Variants in PHLPP2 observed in about 807,000 individuals in gnomAD.
PHLPP2 encodes the protein PH domain and leucine rich repeat protein phosphatase 2.
Under a neutral mutation model 124.9 loss-of-function variants are expected in PHLPP2, and 66 were observed. That is an observed-to-expected ratio of 0.53 (90% CI 0.43 to 0.65). The LOEUF is 0.65. Ranked by LOEUF, PHLPP2 falls within the 30% of genes least tolerant of loss-of-function variation. The pLI, the probability that PHLPP2 is intolerant of heterozygous loss-of-function variation, is 0.00. For synonymous variants in PHLPP2, 681 were observed against 624.7 expected, an observed-to-expected ratio of 1.09 and a Z score of -1.34; for missense variants, 1,685 against 1,600.4, an observed-to-expected ratio of 1.05 and a Z score of -0.90.
rs2044685577 is a variant in PHLPP2 at position 71,650,037 on chromosome 16, T to C, written c.2825A>G (p.Lys942Arg). Residue 942 changes from lysine to arginine, a missense_variant, in exon 19 of 19, where the codon AAA (lysine) becomes AGA (arginine). Transcript: ENST00000568954. The stretch of plus-strand genomic sequence containing the variant: ...GGTACAGCAGGTTACCCCATTCACT[T>C]TGTTGTCCTACAGAAGAGCAGGACA... ...DQKAIITEDNKVNGVTCCTRM... is the reference protein window; with the variant it reads ...DQKAIITEDNRVNGVTCCTRM... 1.2e-6 allele frequency: 2 copies of C among 1,604,296 alleles called. No individual in the cohort carries two copies. Among genetic ancestry groups the C allele is most frequent in the African/African-American group, 1.3e-5 (1 of 74,900 alleles).
Position 71,714,740 on chromosome 16 carries a change from C to T in PHLPP2, c.56G>A (p.Arg19Gln), listed in dbSNP as rs757049172. ...ATCTTCTCTTAGCCAGTCTCTTTCTCGAGAACCAAACCTACTTCTCCTATT... is the reference window on the plus strand; with the variant it reads ...ATCTTCTCTTAGCCAGTCTCTTTCTTGAGAACCAAACCTACTTCTCCTATT... ...CLNRRSRFGS[R>Q]ERDWLREDVK... Residue 19 changes from arginine to glutamine, a missense_variant, in exon 2 of 19, where the codon CGA (arginine) becomes CAA (glutamine). Coordinates refer to ENST00000568954, the MANE Select transcript of PHLPP2 (RefSeq NM_015020.3). 6 of 1,613,986 alleles carry T rather than the reference C, an allele frequency of 3.7e-6. No individual in the cohort carries two copies. In the South Asian group the frequency reaches 4.4e-5, roughly 12 times the overall value.
intron 1 of PHLPP2, among the ~76,000 whole-genome samples, chr16:71,715,747 G>C (rs1305689459): frequency 2.0e-5 from 3 of 151,140 alleles, no homozygotes; most frequent in Non-Finnish European, 2.9e-5. Flanking sequence ...AGGAGGCCCA[G>C]GTGAGGGATC....
chr16:71,645,011 A>T lies in PHLPP2; in HGVS notation c.*3879T>A, dbSNP rs1216104070. The T allele has an allele frequency of 1.0e-5, 3 of 297,594 alleles. No homozygotes were observed. Among genetic ancestry groups the T allele is most frequent in the Non-Finnish European group, 2.0e-5 (3 of 152,304 alleles). The allele number at this position is 297,594 out of a possible 1,614,324, so 18.4% of individuals were successfully genotyped here. On this transcript the variant is annotated 3_prime_UTR_variant, in exon 19 of 19. Coordinates refer to ENST00000568954, the MANE Select transcript of PHLPP2 (RefSeq NM_015020.3). Reference sequence around the variant, plus strand: ...TTACAAACAATAGATTTGCTGCAACATGCTCTGGCTCATATTATTGAATTA... The same window carrying T: ...TTACAAACAATAGATTTGCTGCAACTTGCTCTGGCTCATATTATTGAATTA...
chr16:71,685,205 T>C (rs547530625), intron 4 of PHLPP2, among the ~76,000 whole-genome samples: 1 of 152,310 alleles, frequency 6.6e-6, no homozygotes, highest in East Asian at 1.9e-4. Flanking sequence ...CGGGCTCCTG[T>C]AATCCCAGCT....
At chr16:71,695,484 G>C (rs996101806) in intron 3 of PHLPP2, among the ~76,000 whole-genome samples, 2 of 152,118 alleles carry the variant, frequency 1.3e-5, no homozygotes, top group Non-Finnish European at 2.9e-5. Context: ...CAAGGCCGTC[G>C]GATCACCTGA....
chr16:71,714,983 C>T, intron 1 of PHLPP2, 182 bp from the exon 2 acceptor site: 1 of 690,032 alleles, frequency 1.4e-6, no homozygotes, highest in Middle Eastern at 4.1e-4. Flanking sequence ...ACTTAATTTT[C>T]TTTACTGCTG....
chr16:71,679,676 T>G, intron 6 of PHLPP2, 141 bp from the exon 7 acceptor site: 1 of 695,252 alleles, frequency 1.4e-6, no homozygotes, highest in Non-Finnish European at 2.4e-6. Context: ...GAGCACTCGC[T>G]GCATATCAAA....
chr16:71,708,478 C>CT (rs145005573), intron 2 of PHLPP2, among the ~76,000 whole-genome samples: 1 of 152,300 alleles, frequency 6.6e-6, no homozygotes, highest in African/African-American at 2.4e-5. Flanking sequence ...TTGCTGATTC[C>CT]TTTTTCCGAC....
Position 71,695,647 on chromosome 16 carries a change from T to G in PHLPP2, c.419-4938A>C, listed in dbSNP as rs2045161833. ...ATCGCTTGAACCTGGGGGGTGGAGG[T>G]TGCAGTGAGCCGAGGTCATGCCACT... On this transcript the variant is annotated intron_variant, in intron 3 of 18. Transcript: ENST00000568954. Among the ~76,000 whole-genome samples the G allele has an allele frequency of 2.0e-5, 3 of 150,826 alleles. No homozygotes were observed. The South Asian group carries it at 6.3e-4, about 32-fold the overall frequency.
intron 2 of PHLPP2, among the ~76,000 whole-genome samples, chr16:71,713,780 A>C (rs1179127093): frequency 6.6e-6 from 1 of 152,150 alleles, no homozygotes; most frequent in Non-Finnish European, 1.5e-5. Flanking sequence ...ATATATGCTT[A>C]TAATTTAACA....
chr16:71,715,156 A>C lies in PHLPP2; in HGVS notation c.-6-355T>G, dbSNP rs555708350. On this transcript the variant is annotated intron_variant, in intron 1 of 18. Transcript: ENST00000568954. Reference sequence around the variant, plus strand: ...TGCTTGAGGCCAGGAGTTCAAGACTAGCCTAGGTAAGATGGCAACATCCCA... The same window carrying C: ...TGCTTGAGGCCAGGAGTTCAAGACTCGCCTAGGTAAGATGGCAACATCCCA... 6 of 227,868 alleles carry C rather than the reference A, an allele frequency of 2.6e-5. No individual in the cohort carries two copies. The South Asian group carries it at 4.5e-4, about 17-fold the overall frequency. 14.1% of individuals were successfully genotyped at this position (227,868 alleles called of 1,614,324 possible). A position where few individuals can be genotyped will look rare whatever the true frequency, so the allele number is the denominator to read the frequency against.
chr16:71,649,054 C>A lies in PHLPP2; in HGVS notation c.3808G>T (p.Ala1270Ser), dbSNP rs370719066. Residue 1270 changes from alanine to serine, a missense_variant, in exon 19 of 19, where the codon GCT (alanine) becomes TCT (serine). By Grantham distance (99) the Ala-to-Ser change is moderately conservative. Transcript: ENST00000568954. ...EVPKRKTGYF[A>S]APTQMEPEDQ... ...TCTGGTTCCATCTGAGTGGGGGCAG[C>A]AAAATAGCCAGTTTTCCTCTTGGGC... 6.2e-7 allele frequency: 1 copy of A among 1,614,046 alleles called. No individual in the cohort carries two copies. The highest frequency in any genetic ancestry group is 1.3e-5 in the African/African-American group (1 of 74,910).
intron 7 of PHLPP2, 142 bp from the exon 8 acceptor site, chr16:71,679,127 G>C (rs2044973759): frequency 3.2e-6 from 2 of 628,560 alleles, no homozygotes; most frequent in African/African-American, 1.8e-5. Context: ...CATCTATGCA[G>C]ACTTAATAGA....
chr16:71,698,234 G>A (rs1193321240), intron 3 of PHLPP2, among the ~76,000 whole-genome samples: 1 of 152,152 alleles, frequency 6.6e-6, no homozygotes, highest in Non-Finnish European at 1.5e-5. Context: ...TGTCCAGAGG[G>A]CCACTACTGG....
chr16:71,658,241 G>A lies in PHLPP2; in HGVS notation c.2271C>T (p.Asp757=), dbSNP rs2044757909. Residue 757 remains aspartate (D), a synonymous_variant, in exon 15 of 19, where the codon GAC becomes GAT. Transcript: ENST00000568954. ...TTCAAATTTTTTCCTACCTAAATAT[G>A]TCCAGTGTCTTGTGTTCCAGAACCA... ...TNLVLEHKTL[D]IFSHITTLKI... The A allele has an allele frequency of 1.2e-6, 2 of 1,613,540 alleles. No homozygotes were observed. Among genetic ancestry groups the A allele is most frequent in the East Asian group, 4.5e-5 (2 of 44,866 alleles).
Position 71,649,547 on chromosome 16 carries a change from G to A in PHLPP2, c.3315C>T (p.Gly1105=), listed in dbSNP as rs113722020. 2.6e-3 allele frequency: 4,178 copies of A among 1,614,130 alleles called. 6 individuals are homozygous for A. Among genetic ancestry groups the A allele is most frequent in the Non-Finnish European group, 3.3e-3 (3,941 of 1,180,016 alleles). ...GCCTCGGAAGCAAGGCAGTGTCCAG[G>A]CCCCCAGCATTATGCTCATCAGAAG... ...STASDEHNAG[G]LDTALLPRPE... Residue 1105 remains glycine (G), a synonymous_variant, in exon 19 of 19, where the codon GGC becomes GGT. Transcript: ENST00000568954.
chr16:71,670,131 G>A (rs981606357), intron 10 of PHLPP2, among the ~76,000 whole-genome samples: 4 of 152,156 alleles, frequency 2.6e-5, no homozygotes, highest in African/African-American at 9.7e-5. Flanking sequence ...CCAAGCACAG[G>A]GTGGCAACAT....
intron 3 of PHLPP2, among the ~76,000 whole-genome samples, chr16:71,695,211 A>G (rs2045157552): frequency 6.6e-6 from 1 of 152,214 alleles, no homozygotes; most frequent in Non-Finnish European, 1.5e-5. Context: ...GTAACTATTA[A>G]TATTTTAAAC....
chr16:71,700,808 A>C (rs2045225299), intron 3 of PHLPP2, among the ~76,000 whole-genome samples: 1 of 152,176 alleles, frequency 6.6e-6, no homozygotes, highest in Admixed American at 6.5e-5. Flanking sequence ...TACAGGCGTG[A>C]GCCACCGCAC....
Sources: allele counts gnomAD v4.1 joint callset (sites outside exome capture counted in the v4.1 genomes callset), GRCh38; gene constraint gnomAD v4.1.1; transcripts MANE v1.5; gene names NCBI Gene and HGNC (gene_info 2026-07-23, HGNC 2026-07-21).